The following COL23A1 variants were observed in gnomAD, a reference collection of about 807,000 sequenced individuals.
COL23A1 encodes the protein collagen type XXIII alpha 1 chain, also known as collagen alpha-1(XXIII) chain.
Under a neutral mutation model 99.3 loss-of-function variants are expected in COL23A1, and 97 were observed. The ratio of observed to expected loss-of-function variants is 0.98; its 90% CI spans 0.83 to 1.16. COL23A1 has a LOEUF of 1.16. COL23A1 is among the 50% of genes most tolerant of loss of function. COL23A1 has a pLI of 0.00. For missense variants in COL23A1, 762 were observed against 757.4 expected, an observed-to-expected ratio of 1.01 and a Z score of -0.07; for synonymous variants, 320 against 308.2, an observed-to-expected ratio of 1.04 and a Z score of -0.40.
At chr5:178,383,590 T>G (rs1463374290) in intron 2 of COL23A1, among the ~76,000 whole-genome samples, 1 of 152,054 alleles carries the variant, frequency 6.6e-6, no homozygotes, top group Non-Finnish European at 1.5e-5. Context: ...CTTGGGGAGG[T>G]GGGCTTGGGG....
chr5:178,323,607 C>A (rs924418485), intron 2 of COL23A1, among the ~76,000 whole-genome samples: 3 of 152,116 alleles, frequency 2.0e-5, no homozygotes, highest in African/African-American at 7.2e-5. Context: ...GCAGCCCCAT[C>A]CTGCAGGTCC....
At chr5:178,277,956 T>C (rs2127573186) in intron 5 of COL23A1, among the ~76,000 whole-genome samples, 1 of 152,286 alleles carries the variant, frequency 6.6e-6, no homozygotes, top group Non-Finnish European at 1.5e-5. Flanking sequence ...TGTGTCTGAC[T>C]GAGCTGCCCA....
intron 25 of COL23A1, among the ~76,000 whole-genome samples, chr5:178,242,680 C>T (rs559370004): frequency 1.3e-5 from 2 of 152,204 alleles, no homozygotes; most frequent in Non-Finnish European, 2.9e-5. Flanking sequence ...ATCACAGACG[C>T]GGCTGGCACT....
At chr5:178,259,681 C>T in intron 12 of COL23A1, 40 bp downstream of exon 12, 2 of 1,592,122 alleles carry the variant, frequency 1.3e-6, no homozygotes, top group African/African-American at 1.3e-5. Context: ...CAGCCACTTC[C>T]CAACACTGAC....
chr5:178,508,807 T>G (rs1759027962), intron 2 of COL23A1, among the ~76,000 whole-genome samples: 1 of 152,218 alleles, frequency 6.6e-6, no homozygotes, highest in Non-Finnish European at 1.5e-5. Context: ...AGGCTTTTGT[T>G]GTGAGGTCAC....
intron 2 of COL23A1, among the ~76,000 whole-genome samples, chr5:178,424,699 A>ACAGTTAT (rs1452463626): frequency 6.6e-6 from 1 of 152,200 alleles, no homozygotes. Context: ...CTGAGCTGTC[A>ACAGTTAT]CAGTTATGGC....
At chr5:178,249,310 C>G (rs890353644) in intron 18 of COL23A1, 104 bp from the exon 19 acceptor site, 7 of 1,115,456 alleles carry the variant, frequency 6.3e-6, no homozygotes, top group Non-Finnish European at 9.5e-6. Flanking sequence ...CCCACTTTCT[C>G]TTTGTGGGTC....
intron 2 of COL23A1, among the ~76,000 whole-genome samples, chr5:178,383,120 C>T (rs13359647): frequency 0.078 from 11,863 of 152,148 alleles, 1,425 homozygotes; most frequent in African/African-American, 0.26. Context: ...GCAGACTTGT[C>T]AGAACCCAGG....
intron 1 of COL23A1, among the ~76,000 whole-genome samples, chr5:178,569,460 T>C (rs1013587910): frequency 1.3e-5 from 2 of 152,244 alleles, no homozygotes; most frequent in Non-Finnish European, 2.9e-5. Flanking sequence ...TAGTCCTTAC[T>C]GAGATCTTGC....
chr5:178,552,176 G>A (rs1469566543), intron 2 of COL23A1, among the ~76,000 whole-genome samples: 5 of 152,216 alleles, frequency 3.3e-5, no homozygotes, highest in South Asian at 2.1e-4. Flanking sequence ...CCTATTCTCC[G>A]CATCTGTTAT....
At chr5:178,461,863 T>A (rs1756140579) in intron 2 of COL23A1, among the ~76,000 whole-genome samples, 1 of 152,008 alleles carries the variant, frequency 6.6e-6, no homozygotes, top group Admixed American at 6.6e-5. Flanking sequence ...AATATAGGGG[T>A]GCAAATTGGA....
At chr5:178,315,186 A>C (rs1348344188) in intron 2 of COL23A1, among the ~76,000 whole-genome samples, 1 of 152,088 alleles carries the variant, frequency 6.6e-6, no homozygotes, top group Non-Finnish European at 1.5e-5. Context: ...GGGATTAAGG[A>C]GTCCGGACCC....
intron 2 of COL23A1, among the ~76,000 whole-genome samples, chr5:178,447,242 C>T (rs1283769027): frequency 6.6e-6 from 1 of 151,988 alleles, no homozygotes; most frequent in Non-Finnish European, 1.5e-5. Flanking sequence ...TACAGGTGTG[C>T]ACCACCACAC....
At chr5:178,525,714 A>G (rs951676461) in intron 2 of COL23A1, among the ~76,000 whole-genome samples, 1 of 143,266 alleles carries the variant, frequency 7.0e-6, no homozygotes, top group Non-Finnish European at 1.6e-5. Flanking sequence ...AAATGGCGAC[A>G]CAGCGCGCAG....
chr5:178,259,818 T>C, intron 11 of COL23A1, 71 bp from the exon 12 acceptor site: 1 of 1,433,944 alleles, frequency 7.0e-7, no homozygotes. Flanking sequence ...CCCGGACCTC[T>C]TGTTCCTCGG....
At chr5:178,458,635 T>TG (rs1755933913) in intron 2 of COL23A1, among the ~76,000 whole-genome samples, 1 of 58,222 alleles carries the variant, frequency 1.7e-5, no homozygotes, top group South Asian at 3.5e-4. Context: ...AGACTCTGTC[T>TG]CCAAAAAAAA....
At chr5:178,539,571 A>AAAAG (rs1274283721) in intron 2 of COL23A1, among the ~76,000 whole-genome samples, 2 of 151,464 alleles carry the variant, frequency 1.3e-5, no homozygotes, top group East Asian at 3.9e-4. Context: ...AAAAAAAAGA[A>AAAAG]AAAGAAAGAA....
At chr5:178,558,659 C>A (rs1357288749) in intron 2 of COL23A1, among the ~76,000 whole-genome samples, 2 of 152,128 alleles carry the variant, frequency 1.3e-5, no homozygotes, top group Non-Finnish European at 2.9e-5. Context: ...AAGACACACA[C>A]AGGTATGCAC....
At chr5:178,453,438 T>C (rs1767600501) in intron 2 of COL23A1, among the ~76,000 whole-genome samples, 2 of 152,216 alleles carry the variant, frequency 1.3e-5, no homozygotes, top group South Asian at 4.1e-4. Context: ...TTCCCGTGCC[T>C]GTGGTGCTGT....
Sources: gnomAD v4.1 joint callset for allele counts (sites outside exome capture counted in the v4.1 genomes callset) on GRCh38, gnomAD v4.1.1 for gene constraint, MANE v1.5 for transcripts, NCBI Gene and HGNC (gene_info 2026-07-23, HGNC 2026-07-21) for gene names.